Variants in ETV1 observed in about 807,000 individuals in gnomAD.
The protein encoded by ETV1 is ETS translocation variant 1.
Under a neutral mutation model 62.3 loss-of-function variants are expected in ETV1, and 27 were observed. That is an observed-to-expected ratio of 0.43 (90% CI 0.32 to 0.60). The LOEUF is 0.60. Among genes scored for constraint, ETV1 ranks in the 20% least tolerant of loss-of-function variants. ETV1 has a pLI of 0.06. For missense variants in ETV1, 605 were observed against 605.8 expected, an observed-to-expected ratio of 1.00 and a Z score of 0.01; for synonymous variants, 222 against 199.6, an observed-to-expected ratio of 1.11 and a Z score of -0.94.
chr7:13,939,069 G>T, intron 7 of ETV1, 48 bp downstream of exon 7: 1 of 1,563,334 alleles, frequency 6.4e-7, no homozygotes, highest in Non-Finnish European at 8.6e-7. Flanking sequence ...TGGACTTTTT[G>T]ATTCAATAAG....
chr7:13,939,290 G>C, intron 6 of ETV1, 44 bp from the exon 7 acceptor site: 1 of 1,553,844 alleles, frequency 6.4e-7, no homozygotes, highest in Non-Finnish European at 8.7e-7. Context: ...AAATGCTGTA[G>C]GAATTATGGA....
At chr7:13,945,409 T>C (rs536641721) in intron 6 of ETV1, among the ~76,000 whole-genome samples, 3 of 151,966 alleles carry the variant, frequency 2.0e-5, no homozygotes, top group African/African-American at 7.2e-5. Flanking sequence ...GTTCAACCTA[T>C]GTGGGCCTCA....
At chr7:13,901,651 C>G (rs1782444894) in intron 12 of ETV1, among the ~76,000 whole-genome samples, 2 of 152,166 alleles carry the variant, frequency 1.3e-5, no homozygotes, top group East Asian at 3.9e-4. Context: ...GCAGAGGAAA[C>G]AGTACACAAA....
intron 7 of ETV1, among the ~76,000 whole-genome samples, chr7:13,936,331 A>G (rs1347754056): frequency 1.3e-5 from 2 of 152,202 alleles, no homozygotes; most frequent in African/African-American, 4.8e-5. Flanking sequence ...CAGCTTAATA[A>G]GGCAGAGACC....
In ETV1 at chr7:13,891,753, T is replaced by C. The variant is rs1562566944; in HGVS notation, c.*4113A>G. 4.3e-6 allele frequency: 1 copy of C among 232,026 alleles called. No homozygotes were observed. Among genetic ancestry groups the C allele is most frequent in the Non-Finnish European group, 8.5e-6 (1 of 117,388 alleles). 14.4% of individuals were successfully genotyped at this position (232,026 alleles called of 1,614,324 possible). The stretch of plus-strand genomic sequence containing the variant: ...GAATTGCTTAATATGTACATTTGCC[T>C]TCTTTATATTTTTTCCACCATCACT... On this transcript the variant is annotated 3_prime_UTR_variant, in exon 14 of 14. Transcript: ENST00000430479.
chr7:13,934,510 G>A (rs1329810916), intron 8 of ETV1, among the ~76,000 whole-genome samples: 2 of 152,074 alleles, frequency 1.3e-5, no homozygotes, highest in African/African-American at 4.8e-5. Flanking sequence ...TTTTTACAAC[G>A]GTGTCTCAGG....
intron 13 of ETV1, among the ~76,000 whole-genome samples, chr7:13,896,681 A>C (rs79198106): frequency 2.4e-4 from 35 of 146,176 alleles, no homozygotes; most frequent in Admixed American, 9.0e-4. Flanking sequence ...GAAATAAAGA[A>C]AGAAAGAAAA....
At chr7:13,900,867 T>C (rs1255164038) in intron 12 of ETV1, 28 bp from the exon 13 acceptor site, 1 of 1,423,184 alleles carries the variant, frequency 7.0e-7, no homozygotes, top group East Asian at 2.4e-5. Flanking sequence ...TACATTGTAG[T>C]GTTAAGTATT....
chr7:13,938,756 C>G (rs761918161), intron 7 of ETV1, among the ~76,000 whole-genome samples: 3 of 152,170 alleles, frequency 2.0e-5, no homozygotes, highest in Non-Finnish European at 4.4e-5. Flanking sequence ...ACTGCTCAGA[C>G]CTGCCAAATG....
At chr7:13,932,289 A>G (rs897947599) in intron 8 of ETV1, among the ~76,000 whole-genome samples, 18 of 152,316 alleles carry the variant, frequency 1.2e-4, no homozygotes, top group Admixed American at 3.9e-4. Flanking sequence ...AGGACTTTCA[A>G]TTCCTCAACA....
In ETV1 at chr7:13,892,560, C is replaced by T. The variant is rs940595431; in HGVS notation, c.*3306G>A. 1 of 232,684 alleles carries T rather than the reference C, an allele frequency of 4.3e-6. No individual in the cohort carries two copies. The highest frequency in any genetic ancestry group is 8.5e-6 in the Non-Finnish European group (1 of 117,810). The allele number at this position is 232,684 out of a possible 1,614,324, so 14.4% of individuals were successfully genotyped here. On this transcript the variant is annotated 3_prime_UTR_variant, in exon 14 of 14. Transcript: ENST00000430479. Reference sequence around the variant, plus strand: ...GTTCTGAATAACAGCCCTGCCCTCACCCCTTACATCCATGTCCTAATCCCT... The same window carrying T: ...GTTCTGAATAACAGCCCTGCCCTCATCCCTTACATCCATGTCCTAATCCCT...
chr7:13,933,293 G>T (rs192456113), intron 8 of ETV1, among the ~76,000 whole-genome samples: 1 of 152,240 alleles, frequency 6.6e-6, no homozygotes, highest in Admixed American at 6.5e-5. Flanking sequence ...TATCAAACAC[G>T]CATGCTTCTC....
intron 13 of ETV1, among the ~76,000 whole-genome samples, chr7:13,896,740 A>AAAGGAAAGAAAG (rs1781843218): frequency 8.4e-6 from 1 of 118,906 alleles, no homozygotes; most frequent in African/African-American, 3.3e-5. Context: ...AAAAAGAAAG[A>AAAGGAAAGAAAG]AAGGAAAGAA....
intron 11 of ETV1, among the ~76,000 whole-genome samples, chr7:13,909,373 G>A (rs937582608): frequency 2.0e-5 from 3 of 152,050 alleles, no homozygotes; most frequent in East Asian, 1.9e-4. Flanking sequence ...CCCCTCTTAC[G>A]CTACACAAAG....
intron 6 of ETV1, among the ~76,000 whole-genome samples, chr7:13,948,745 C>A (rs1390178117): frequency 6.6e-6 from 1 of 152,054 alleles, no homozygotes; most frequent in Non-Finnish European, 1.5e-5. Context: ...GATTCCTGTT[C>A]CAGAATATAG....
chr7:13,905,718 G>C (rs10279105), intron 12 of ETV1, among the ~76,000 whole-genome samples: 5,911 of 152,178 alleles, frequency 0.039, 367 homozygotes, highest in African/African-American at 0.13. Flanking sequence ...TATTATCTCT[G>C]TCCAGGCTCT....
rs778329967 is a variant in ETV1 at position 13,931,498 on chromosome 7, C to T, written c.802+4G>A. The T allele has an allele frequency of 1.1e-5, 17 of 1,613,780 alleles. No homozygotes were observed. The highest frequency in any genetic ancestry group is 1.7e-4 in the Middle Eastern group (1 of 6,056). ...AATGTAATTTGCGCAGAGCGCAGGC[C>T]TACCTGAGTCATATGCAAAATCTCT... On this transcript the variant is annotated splice_donor_region_variant and intron_variant, in intron 9 of 13. Transcript: ENST00000430479.
chr7:13,961,969 T>A (rs561001888), intron 6 of ETV1, among the ~76,000 whole-genome samples: 6 of 152,002 alleles, frequency 3.9e-5, no homozygotes, highest in African/African-American at 1.4e-4. Context: ...CACATGTTGG[T>A]AGGTGTAGAC....
intron 5 of ETV1, among the ~76,000 whole-genome samples, chr7:13,985,036 C>G (rs868445645): frequency 2.0e-5 from 3 of 151,878 alleles, no homozygotes; most frequent in South Asian, 2.1e-4. Context: ...AATCTGCCAG[C>G]AAGTGCACTG....
Sources: gnomAD v4.1 joint callset for allele counts (sites outside exome capture counted in the v4.1 genomes callset) on GRCh38, gnomAD v4.1.1 for gene constraint, MANE v1.5 for transcripts, NCBI Gene and HGNC (gene_info 2026-07-23, HGNC 2026-07-21) for gene names.